Variants in SSMEM1 observed in about 807,000 individuals in gnomAD.
SSMEM1 encodes the protein serine rich single-pass membrane protein 1, also known as serine-rich single-pass membrane protein 1.
Under a neutral mutation model 9.9 loss-of-function variants are expected in SSMEM1, and 12 were observed. The ratio of observed to expected loss-of-function variants is 1.21; its 90% CI spans 0.78 to 1.96. The LOEUF (loss-of-function observed/expected upper bound fraction) is 1.96. SSMEM1 is among the 30% of genes most tolerant of loss of function. The probability of loss-of-function intolerance (pLI) is 0.00; values close to 1 mark genes in which losing one functional copy is unlikely to be tolerated. For synonymous variants in SSMEM1, 96 were observed against 98.9 expected (o/e 0.97, Z 0.17); for missense variants, 259 against 292.2 (o/e 0.89, Z 0.83).
In SSMEM1 at chr7:130,215,962, A is replaced by G; in HGVS notation, c.239-12A>G. The G allele has an allele frequency of 1.2e-6, 2 of 1,612,032 alleles. No individual in the cohort carries two copies. The highest frequency in any genetic ancestry group is 1.7e-6 in the Non-Finnish European group (2 of 1,179,014). ...CAATATTACTAACTTGATATGTTTC[A>G]TTGGTTGTTAGCAAGCAAAGAGACT... On this transcript the variant is annotated splice_polypyrimidine_tract_variant and intron_variant, in intron 2 of 2. Coordinates refer to ENST00000297819, the MANE Select transcript of SSMEM1 (RefSeq NM_145268.4).
chr7:130,212,744 AAAAC>A (rs1798615695), intron 1 of SSMEM1, among the ~76,000 whole-genome samples: 1 of 151,740 alleles, frequency 6.6e-6, no homozygotes, highest in African/African-American at 2.4e-5. Flanking sequence ...AACAAAAACA[AAAAC>A]AAAAAAACAA....
chr7:130,210,389 G>A (rs751390064), intron 1 of SSMEM1, among the ~76,000 whole-genome samples: 36 of 152,168 alleles, frequency 2.4e-4, no homozygotes, highest in Non-Finnish European at 4.6e-4. Context: ...TGAAGTAATG[G>A]TAAAAGCACG....
upstream of SSMEM1, among the ~76,000 whole-genome samples, chr7:130,206,709 G>C (rs777585122): frequency 1.3e-5 from 2 of 152,114 alleles, no homozygotes; most frequent in Non-Finnish European, 2.9e-5. Context: ...AATACCGGCC[G>C]GGCGCGGTGG....
At chr7:130,215,917 T>C in intron 2 of SSMEM1, 57 bp from the exon 3 acceptor site, 2 of 1,576,234 alleles carry the variant, frequency 1.3e-6, no homozygotes, top group South Asian at 2.4e-5. Context: ...TCTTAAGTAA[T>C]AGGAATTCAT....
intron 2 of SSMEM1, among the ~76,000 whole-genome samples, chr7:130,214,918 T>A (rs1798674481): frequency 6.6e-6 from 1 of 152,240 alleles, no homozygotes; most frequent in Non-Finnish European, 1.5e-5. Context: ...ATTTTCGTGG[T>A]ATAAATACTT....
chr7:130,205,555 T>G, upstream of SSMEM1: 1 of 952,476 alleles, frequency 1.0e-6, no homozygotes, highest in Non-Finnish European at 1.6e-6. Context: ...GGGAAACAGG[T>G]CTCGGTTTTG....
Position 130,216,046 on chromosome 7 carries a change from C to T in SSMEM1, c.311C>T (p.Pro104Leu). The T allele has an allele frequency of 6.2e-7, 1 of 1,614,164 alleles. No individual in the cohort carries two copies. The highest frequency in any genetic ancestry group is 1.1e-5 in the South Asian group (1 of 91,074). Reference sequence around the variant, plus strand: ...GATCCCTCACAAACAATGAAGAAACCAAAGCAGAACCAACTTACCCCTGTA... The same window carrying T: ...GATCCCTCACAAACAATGAAGAAACTAAAGCAGAACCAACTTACCCCTGTA... ...AWDPSQTMKKPKQNQLTPVTN... is the reference protein window; with the variant it reads ...AWDPSQTMKKLKQNQLTPVTN... The change falls in exon 3 of 3, where the codon CCA becomes CTA. Residue 104 changes from proline (P) to leucine (L), a missense_variant. Pro to Leu is a moderately conservative substitution (Grantham distance 98). Transcript: ENST00000297819.
upstream of SSMEM1, among the ~76,000 whole-genome samples, chr7:130,205,716 T>A (rs1240837066): frequency 6.6e-6 from 1 of 152,218 alleles, no homozygotes; most frequent in Non-Finnish European, 1.5e-5. Flanking sequence ...CTCACATGTG[T>A]AAACTGATTA....
At chr7:130,205,422 G>A, upstream of SSMEM1, 1 of 1,613,348 alleles carries the variant, frequency 6.2e-7, no homozygotes, top group Non-Finnish European at 8.5e-7. Flanking sequence ...CTCTGGGCAT[G>A]CGCAAAGCCA....
At chr7:130,208,221 C>A in intron 1 of SSMEM1, 128 bp downstream of exon 1, 1 of 908,592 alleles carries the variant, frequency 1.1e-6, no homozygotes, top group Non-Finnish European at 1.6e-6. Flanking sequence ...ATAATGCAAT[C>A]TTATTCTGGA....
chr7:130,212,393 C>T (rs758345414), intron 1 of SSMEM1, among the ~76,000 whole-genome samples: 4 of 152,118 alleles, frequency 2.6e-5, no homozygotes, highest in Non-Finnish European at 4.4e-5. Context: ...TCTTAAAGAA[C>T]TATCAGTAAT....
chr7:130,205,818 CTA>C (rs530637942), upstream of SSMEM1, among the ~76,000 whole-genome samples: 126 of 152,066 alleles, frequency 8.3e-4, no homozygotes, highest in African/African-American at 2.9e-3. Context: ...GTTAAAGTAT[CTA>C]TGTCAAGAGT....
At chr7:130,208,944 C>T (rs1420136152) in intron 1 of SSMEM1, among the ~76,000 whole-genome samples, 1 of 151,912 alleles carries the variant, frequency 6.6e-6, no homozygotes, top group Non-Finnish European at 1.5e-5. Context: ...CTCACTACAA[C>T]CTCCGCCTCC....
At chr7:130,205,601 CA>C (rs1354185042), upstream of SSMEM1, 10 of 628,364 alleles carry the variant, frequency 1.6e-5, no homozygotes, top group Non-Finnish European at 2.5e-5. Flanking sequence ...AGCTAAGCAG[CA>C]AAATTCAGAC....
upstream of SSMEM1, chr7:130,207,732 GAATA>G: frequency 1.4e-6 from 1 of 724,578 alleles, no homozygotes; most frequent in Non-Finnish European, 2.5e-6. Context: ...GGAGTAATTT[GAATA>G]ACCTTCCACA....
Position 130,216,287 on chromosome 7 carries a change from G to T in SSMEM1, c.552G>T (p.Arg184Ser). ...TTAAGAGGAGAAAAATGGCTCAGAG[G>T]CAAAGGAATCTGGGAAGTTACCAAA... ...DSIKRRKMAQ[R>S]QRNLGSYQMS... The change falls in exon 3 of 3, where the codon AGG (arginine) becomes AGT (serine). Residue 184 changes from arginine (R) to serine (S), a missense_variant. Physicochemically the swap from Arg to Ser is moderately radical, Grantham distance 110. Coordinates refer to ENST00000297819, the MANE Select transcript of SSMEM1 (RefSeq NM_145268.4). The T allele has an allele frequency of 6.2e-7, 1 of 1,614,104 alleles. No individual in the cohort carries two copies. The highest frequency in any genetic ancestry group is 1.1e-5 in the South Asian group (1 of 91,072).
upstream of SSMEM1, among the ~76,000 whole-genome samples, chr7:130,207,395 C>T (rs899937159): frequency 7.2e-5 from 11 of 152,094 alleles, no homozygotes; most frequent in Non-Finnish European, 1.3e-4. Flanking sequence ...TGTAAGGATA[C>T]CAATTGTATT....
At chr7:130,207,699 G>T, upstream of SSMEM1, 1 of 674,304 alleles carries the variant, frequency 1.5e-6, no homozygotes, top group Non-Finnish European at 2.7e-6. Context: ...GAGGTATGGG[G>T]GAAAATAACA....
upstream of SSMEM1, chr7:130,207,848 G>A: frequency 6.5e-7 from 1 of 1,547,478 alleles, no homozygotes; most frequent in Non-Finnish European, 8.9e-7. Context: ...TAGAGGGAGT[G>A]AAGTAGTTCC....
Sources: gnomAD v4.1 joint callset for allele counts (sites outside exome capture counted in the v4.1 genomes callset) on GRCh38, gnomAD v4.1.1 for gene constraint, MANE v1.5 for transcripts, NCBI Gene and HGNC (gene_info 2026-07-23, HGNC 2026-07-21) for gene names.